The following ITSN2 variants were observed in gnomAD, a reference collection of about 807,000 sequenced individuals.
ITSN2 encodes the protein intersectin 2.
In ITSN2, 156 loss-of-function variants were observed where a neutral mutation model predicts 243.7. That is an observed-to-expected ratio of 0.64 (90% CI 0.56 to 0.73). ITSN2 has a LOEUF of 0.73. Among genes scored for constraint, ITSN2 ranks in the 30% least tolerant of loss-of-function variants. ITSN2 has a pLI of 0.00. For missense variants in ITSN2, 1,801 were observed against 1,996.1 expected (o/e 0.90, Z 1.86); for synonymous variants, 703 against 699.9 (o/e 1.00, Z -0.07).
chr2:24,284,521 A>C (rs1679218101), intron 17 of ITSN2, among the ~76,000 whole-genome samples: 1 of 152,158 alleles, frequency 6.6e-6, no homozygotes, highest in Non-Finnish European at 1.5e-5. Context: ...TATATTTCTA[A>C]GTGTCCTGGA....
rs1668554441 is a variant in ITSN2 at position 24,203,781 on chromosome 2, A to T, written c.4939T>A (p.Phe1647Ile). 6.2e-7 allele frequency: 1 copy of T among 1,613,014 alleles called. No homozygotes were observed. Among genetic ancestry groups the T allele is most frequent in the African/African-American group, 1.3e-5 (1 of 74,886 alleles). ...ACTGGAATTTCAGTACGACCCAGGA[A>T]ATCTGGTGAATAAACACAGGAGAGT... Reference protein sequence around the residue: ...FDRDQFSPDDFLGRTEIPVAK... With the variant: ...FDRDQFSPDDILGRTEIPVAK... The change falls in exon 40 of 40, where the codon TTC (phenylalanine) becomes ATC (isoleucine). Residue 1647 changes from phenylalanine (F) to isoleucine (I), a missense_variant and splice_region_variant. Physicochemically the swap from Phe to Ile is conservative, Grantham distance 21 (BLOSUM62 0). This residue lies in a region of ITSN2 where 928 missense variants were observed against 1,065.4 expected (regional missense o/e 0.87). Coordinates refer to ENST00000355123, the MANE Select transcript of ITSN2 (RefSeq NM_006277.3).
chr2:24,231,329 C>T (rs1419474142), intron 29 of ITSN2, among the ~76,000 whole-genome samples: 2 of 152,112 alleles, frequency 1.3e-5, no homozygotes, highest in South Asian at 2.1e-4. Context: ...AGGAGGGCTT[C>T]GATAAGCATT....
chr2:24,213,541 C>T (rs561636483), intron 32 of ITSN2, among the ~76,000 whole-genome samples: 2 of 152,306 alleles, frequency 1.3e-5, no homozygotes, highest in East Asian at 3.9e-4. Context: ...CAAGCATCTT[C>T]GTGCTTCTTA....
chr2:24,355,968 C>T (rs936798805), intron 1 of ITSN2, among the ~76,000 whole-genome samples: 24 of 151,972 alleles, frequency 1.6e-4, no homozygotes, highest in Non-Finnish European at 2.8e-4. Flanking sequence ...TTTGGGAGGC[C>T]GAGGCGGGTG....
In ITSN2 at chr2:24,211,014, A is replaced by C; in HGVS notation, c.4090-67T>G. 6.7e-7 allele frequency: 1 copy of C among 1,491,806 alleles called. No homozygotes were observed. The highest frequency in any genetic ancestry group is 2.3e-5 in the East Asian group (1 of 43,926). The allele number at this position is 1,491,806 out of a possible 1,614,324, so 92.4% of individuals were successfully genotyped here. A position where few individuals can be genotyped will look rare whatever the true frequency, so the allele number is the denominator to read the frequency against. On this transcript the variant is annotated intron_variant, in intron 33 of 39. Coordinates refer to ENST00000355123, the MANE Select transcript of ITSN2 (RefSeq NM_006277.3). The surrounding 1 kb of genome is among the most constrained non-coding windows in gnomAD (Gnocchi z 4.1). ...CTCACCTGCCCACCTGGACCTTCGC[A>C]GGACCGCTCCTCCAACCCCATGTTA...
Position 24,227,389 on chromosome 2 carries a change from A to C in ITSN2, c.3578-6323T>G, listed in dbSNP as rs888884949. Among the ~76,000 whole-genome samples the C allele has an allele frequency of 2.5e-4, 38 of 152,214 alleles. 1 individual carries two copies. The highest frequency in any genetic ancestry group is 2.2e-3 in the Admixed American group (34 of 15,286). On this transcript the variant is annotated intron_variant, in intron 29 of 39. Transcript: ENST00000355123. ...GAACATATGACAGTAGAACAAAAAT[A>C]CACATGGAGATGTAAAATATATATG...
chr2:24,330,566 GA>G, intron 1 of ITSN2: 34 of 838,364 alleles, frequency 4.1e-5, no homozygotes, highest in Non-Finnish European at 6.5e-5. Context: ...TACCCAAAGG[GA>G]AAAAGGGAAA....
intron 7 of ITSN2, among the ~76,000 whole-genome samples, chr2:24,309,142 G>T (rs960903281): frequency 1.3e-5 from 2 of 152,164 alleles, no homozygotes; most frequent in Admixed American, 1.3e-4. Context: ...ACCAGTCCCT[G>T]GTACCAAAAA....
rs141548587 is a variant in ITSN2, at chr2:24,350,021, T to C, written c.-34+10283A>G. Among the ~76,000 whole-genome samples, 37 of 152,328 alleles carry C rather than the reference T, an allele frequency of 2.4e-4. No homozygotes were observed. The East Asian group carries it at 6.2e-3, about 25-fold the overall frequency. ...GCTGACAGATTTCTTAGAAGAAAAC[T>C]AAACTAGAGCCCTCGGTAAGTTCTA... On this transcript the variant is annotated intron_variant, in intron 1 of 39. Transcript: ENST00000355123.
At chr2:24,292,468 T>C (rs1221594044) in intron 15 of ITSN2, among the ~76,000 whole-genome samples, 2 of 152,208 alleles carry the variant, frequency 1.3e-5, no homozygotes, top group Non-Finnish European at 2.9e-5. Context: ...TAAGGAACAC[T>C]GTCTGAGCAG....
chr2:24,203,745 G>A lies in ITSN2; in HGVS notation c.4975C>T (p.Arg1659Ter), dbSNP rs765221181. ...GGGCCTTTGCTTTCCTGTTCTGTTCGAATTTTTGCCACTGGAATTTCAGTA... is the reference window on the plus strand; with the variant it reads ...GGGCCTTTGCTTTCCTGTTCTGTTCAAATTTTTGCCACTGGAATTTCAGTA... ...GRTEIPVAKI[R>*]TEQESKGPMT... The change falls in exon 40 of 40, where the codon CGA (arginine) becomes TGA (stop). Residue 1659 changes from arginine (R) to a stop codon, truncating the protein, a stop_gained. Coordinates refer to ENST00000355123, the MANE Select transcript of ITSN2 (RefSeq NM_006277.3). LOFTEE classifies it high-confidence loss of function. 1.8e-5 allele frequency: 29 copies of A among 1,613,922 alleles called. No homozygotes were observed. The highest frequency in any genetic ancestry group is 3.3e-5 in the South Asian group (3 of 91,072).
At chr2:24,242,899 A>C (rs1672900860) in intron 29 of ITSN2, among the ~76,000 whole-genome samples, 1 of 152,218 alleles carries the variant, frequency 6.6e-6, no homozygotes, top group Non-Finnish European at 1.5e-5. Flanking sequence ...CGCCAGAAAC[A>C]AGGTAATAGG....
chr2:24,238,491 C>G (rs761110150), intron 29 of ITSN2, among the ~76,000 whole-genome samples: 1 of 152,212 alleles, frequency 6.6e-6, no homozygotes, highest in Non-Finnish European at 1.5e-5. Context: ...CACTGCTTAA[C>G]TTTGATACCT....
intron 1 of ITSN2, among the ~76,000 whole-genome samples, chr2:24,349,604 C>G (rs1687853577): frequency 6.6e-6 from 1 of 152,132 alleles, no homozygotes; most frequent in Non-Finnish European, 1.5e-5. Flanking sequence ...GGGAAAGACC[C>G]TTCCAATTAT....
At chr2:24,255,826 G>A (rs1413102122) in intron 23 of ITSN2, among the ~76,000 whole-genome samples, 3 of 152,158 alleles carry the variant, frequency 2.0e-5, no homozygotes, top group Admixed American at 6.5e-5. Flanking sequence ...AAGGCAGGCA[G>A]ATCACCTGAG....
chr2:24,224,303 G>A (rs999361449), intron 29 of ITSN2, among the ~76,000 whole-genome samples: 2 of 152,172 alleles, frequency 1.3e-5, no homozygotes, highest in East Asian at 3.8e-4. Flanking sequence ...ACGTACTCGT[G>A]TTTGAAGTTA....
intron 29 of ITSN2, among the ~76,000 whole-genome samples, chr2:24,235,867 C>T (rs750789657): frequency 5.3e-5 from 8 of 152,074 alleles, no homozygotes; most frequent in Non-Finnish European, 1.0e-4. Context: ...TAACAAGTGC[C>T]GGTGAGGATG....
intron 15 of ITSN2, among the ~76,000 whole-genome samples, chr2:24,292,617 A>T (rs1680403786): frequency 2.0e-5 from 3 of 152,126 alleles, no homozygotes; most frequent in Admixed American, 2.0e-4. Context: ...CCTTCCTTTC[A>T]CTAACTAGTG....
intron 17 of ITSN2, among the ~76,000 whole-genome samples, chr2:24,276,123 G>A (rs1677986637): frequency 6.6e-6 from 1 of 151,896 alleles, no homozygotes; most frequent in African/African-American, 2.4e-5. Flanking sequence ...CTTTGATTTG[G>A]TACATCATTT....
Sources: allele counts gnomAD v4.1 joint callset (sites outside exome capture counted in the v4.1 genomes callset), GRCh38; gene constraint gnomAD v4.1.1; regional missense constraint gnomAD v4.1.1; non-coding constraint Gnocchi (gnomAD v3.1); transcripts MANE v1.5; gene names NCBI Gene and HGNC (gene_info 2026-07-23, HGNC 2026-07-21).